Variants in EYS observed in about 807,000 individuals in gnomAD.
EYS encodes EGF-like photoreceptor maintenance factor.
Under a neutral mutation model 282.1 loss-of-function variants are expected in EYS, and 250 were observed. The ratio of observed to expected loss-of-function variants is 0.89; its 90% confidence interval spans 0.80 to 0.98. EYS has a LOEUF of 0.98. EYS is among the 50% of genes least tolerant of loss of function. The pLI is 0.00. For synonymous variants in EYS, 1,355 were observed against 1,282.9 expected (o/e 1.06, Z -1.20); for missense variants, 4,016 against 3,709.0 (o/e 1.08, Z -2.15).
At chr6:63,869,657 C>T (rs321495) in intron 35 of EYS, among the ~76,000 whole-genome samples, 73,820 of 151,988 alleles carry the variant, frequency 0.49, 19,822 homozygotes, top group Non-Finnish European at 0.59. Flanking sequence ...TGAGAATGTG[C>T]CCAGCACAGT....
At chr6:65,055,507 T>C (rs1347937234) in intron 13 of EYS, among the ~76,000 whole-genome samples, 1 of 152,080 alleles carries the variant, frequency 6.6e-6, no homozygotes, top group Admixed American at 6.6e-5. Flanking sequence ...GTCTGTACTT[T>C]ATTTGTATTT....
intron 19 of EYS, among the ~76,000 whole-genome samples, chr6:64,853,121 A>C (rs1765939471): frequency 6.6e-6 from 1 of 152,114 alleles, no homozygotes; most frequent in African/African-American, 2.4e-5. Context: ...AAATATAGAT[A>C]TCTCTCCTAA....
chr6:65,434,775 T>C (rs1461908157), intron 5 of EYS, among the ~76,000 whole-genome samples: 2 of 152,172 alleles, frequency 1.3e-5, no homozygotes, highest in Admixed American at 1.3e-4. Context: ...ACTCTTTATA[T>C]CTAAAATGTT....
rs151009332 is a variant in EYS at position 65,063,261 on chromosome 6, C to T, written c.2024-5534G>A. ...GTTATTATTAATGTAGAGGTGGAAGCTATTGCTTATCCTACTGAACTTGTT... is the reference window on the plus strand; with the variant it reads ...GTTATTATTAATGTAGAGGTGGAAGTTATTGCTTATCCTACTGAACTTGTT... On this transcript the variant is annotated intron_variant, in intron 12 of 42. Coordinates refer to ENST00000503581, the MANE Select transcript of EYS (RefSeq NM_001142800.2). Among the ~76,000 whole-genome samples the T allele has an allele frequency of 9.7e-4, 147 of 152,000 alleles. 1 individual carries two copies. Among genetic ancestry groups the T allele is most frequent in the Middle Eastern group, 3.4e-3 (1 of 294 alleles).
At chr6:65,263,703 C>CTATGTGTGTG (rs1554172142) in intron 12 of EYS, among the ~76,000 whole-genome samples, 1 of 141,316 alleles carries the variant, frequency 7.1e-6, no homozygotes, top group African/African-American at 2.6e-5. Context: ...CAAGGCAAAG[C>CTATGTGTGTG]TGTGTGTGTG....
At chr6:63,754,345 C>A (rs1196552622) in intron 41 of EYS, among the ~76,000 whole-genome samples, 1 of 152,024 alleles carries the variant, frequency 6.6e-6, no homozygotes, top group Non-Finnish European at 1.5e-5. Flanking sequence ...CTCCCCCAGC[C>A]CCCCACTCCA....
chr6:64,251,627 C>G (rs1767220743), intron 30 of EYS, among the ~76,000 whole-genome samples: 1 of 152,118 alleles, frequency 6.6e-6, no homozygotes, highest in Non-Finnish European at 1.5e-5. Context: ...ATTTCTTTTT[C>G]ATTTTCTCTT....
intron 2 of EYS, among the ~76,000 whole-genome samples, chr6:65,526,285 G>C (rs1406132668): frequency 2.0e-5 from 3 of 152,102 alleles, no homozygotes; most frequent in Admixed American, 6.5e-5. Context: ...GATATTTACA[G>C]AAAAAATCAA....
intron 5 of EYS, among the ~76,000 whole-genome samples, chr6:65,447,332 G>GTATATA (rs3049735): frequency 9.3e-5 from 13 of 140,242 alleles, no homozygotes; most frequent in African/African-American, 3.1e-4. Flanking sequence ...ATATGTGTGT[G>GTATATA]TATATATATA....
chr6:65,631,946 C>T (rs1171104690), intron 2 of EYS, among the ~76,000 whole-genome samples: 3 of 152,140 alleles, frequency 2.0e-5, no homozygotes, highest in Non-Finnish European at 4.4e-5. Flanking sequence ...CTCTTTAGTT[C>T]TCACATCACT....
At chr6:64,564,055 G>A (rs1250299617) in intron 26 of EYS, among the ~76,000 whole-genome samples, 1 of 151,764 alleles carries the variant, frequency 6.6e-6, no homozygotes, top group East Asian at 1.9e-4. Flanking sequence ...ATGTTGCAAT[G>A]AGCATGGGTA....
chr6:64,503,244 G>A (rs889149012), intron 26 of EYS, among the ~76,000 whole-genome samples: 1 of 152,070 alleles, frequency 6.6e-6, no homozygotes, highest in Non-Finnish European at 1.5e-5. Context: ...TCTCCTGGCA[G>A]GTACACTAGC....
At chr6:64,335,934 A>G (rs1770835214) in intron 29 of EYS, among the ~76,000 whole-genome samples, 1 of 152,132 alleles carries the variant, frequency 6.6e-6, no homozygotes, top group African/African-American at 2.4e-5. Flanking sequence ...TGAGGAGACA[A>G]TTCATCACTA....
intron 33 of EYS, among the ~76,000 whole-genome samples, chr6:64,002,793 C>T (rs1163946604): frequency 6.6e-6 from 1 of 152,170 alleles, no homozygotes; most frequent in Non-Finnish European, 1.5e-5. Context: ...CTGCCTTTCC[C>T]TCCCAAAGAG....
chr6:65,045,921 T>C (rs1487401626), intron 13 of EYS, among the ~76,000 whole-genome samples: 1 of 151,916 alleles, frequency 6.6e-6, no homozygotes, highest in Admixed American at 6.6e-5. Flanking sequence ...CACCCTTTTG[T>C]TATTAACAAC....
intron 26 of EYS, among the ~76,000 whole-genome samples, chr6:64,531,497 C>T (rs1240104137): frequency 6.6e-6 from 1 of 151,070 alleles, no homozygotes; most frequent in African/African-American, 2.4e-5. Context: ...CGCCATTCTC[C>T]TGCCTCAGCC....
chr6:65,231,708 C>T (rs887570335), intron 12 of EYS, among the ~76,000 whole-genome samples: 1 of 151,798 alleles, frequency 6.6e-6, no homozygotes, highest in Non-Finnish European at 1.5e-5. Flanking sequence ...TAGATATCCT[C>T]TTAGTGAAAA....
At chr6:64,876,751 G>T (rs913400446) in intron 19 of EYS, among the ~76,000 whole-genome samples, 49 of 152,030 alleles carry the variant, frequency 3.2e-4, no homozygotes, top group Non-Finnish European at 5.3e-4. Context: ...ATACAGAAAA[G>T]CATGCTATCA....
intron 29 of EYS, among the ~76,000 whole-genome samples, chr6:64,321,020 A>C (rs202227235): frequency 6.6e-6 from 1 of 151,724 alleles, no homozygotes; most frequent in Non-Finnish European, 1.5e-5. Context: ...CTACTCAAAA[A>C]AATTTTCATA....
Sources: gnomAD v4.1 joint callset for allele counts (sites outside exome capture counted in the v4.1 genomes callset) on GRCh38, gnomAD v4.1.1 for gene constraint, MANE v1.5 for transcripts, NCBI Gene and HGNC (gene_info 2026-07-23, HGNC 2026-07-21) for gene names.